Variants in INSL6 observed in about 807,000 individuals in gnomAD.
INSL6 encodes insulin like 6, also known as insulin-like peptide INSL6.
INSL6 carries 16 observed loss-of-function variants against 9.4 expected under a neutral mutation model. The observed-to-expected ratio is 1.70, with a 90% CI of 1.15 to 2.59. The LOEUF is 2.59. INSL6 is among the 30% of genes most tolerant of loss of function. The pLI, the probability that INSL6 is intolerant of heterozygous loss-of-function variation, is 0.00. For synonymous variants in INSL6, 154 were observed against 96.9 expected, an observed-to-expected ratio of 1.59 and a Z score of -3.46; for missense variants, 391 against 257.3, an observed-to-expected ratio of 1.52 and a Z score of -3.56.
At chr9:5,081,704 T>A in the INSL6 span, 1 of 1,541,900 alleles carries the variant, frequency 6.5e-7, no homozygotes. Flanking sequence ...TTTAAGGTGA[T>A]AATATTCTTT....
intron 1 of INSL6, among the ~76,000 whole-genome samples, chr9:5,166,078 G>C (rs1177248686): frequency 6.6e-6 from 1 of 152,144 alleles, no homozygotes; most frequent in African/African-American, 2.4e-5. Flanking sequence ...GAAGTAACGA[G>C]AAAAAGATGA....
At chr9:5,085,415 A>G in the INSL6 span, 3 of 767,650 alleles carry the variant, frequency 3.9e-6, no homozygotes, top group Non-Finnish European at 7.2e-6. Context: ...ACTGCTTTAC[A>G]ACTGTTGGCT....
At chr9:5,139,932 G>C (rs1415202966) in intron 2 of INSL6, among the ~76,000 whole-genome samples, 1 of 152,144 alleles carries the variant, frequency 6.6e-6, no homozygotes, top group Non-Finnish European at 1.5e-5. Context: ...ACAAAAATGT[G>C]TCAGATGTCT....
the INSL6 span, chr9:5,097,383 T>C: frequency 1.7e-3 from 253 of 152,326 alleles, 1 homozygote; most frequent in African/African-American, 5.4e-3. Context: ...ACCCTGAAGT[T>C]TATATCCTTA....
chr9:5,006,037 A>C, the INSL6 span, among the ~76,000 whole-genome samples: 1 of 152,174 alleles, frequency 6.6e-6, no homozygotes, highest in Non-Finnish European at 1.5e-5. Flanking sequence ...GAAGAAAGTC[A>C]TTGGTAGCTT....
the INSL6 span, among the ~76,000 whole-genome samples, chr9:5,000,787 G>A: frequency 6.6e-6 from 1 of 152,174 alleles, no homozygotes; most frequent in Non-Finnish European, 1.5e-5. Flanking sequence ...ATTTGTATAT[G>A]TATTAAGTAA....
chr9:5,180,958 TTGA>T (rs1825438740), intron 1 of INSL6, among the ~76,000 whole-genome samples: 1 of 152,170 alleles, frequency 6.6e-6, no homozygotes, highest in African/African-American at 2.4e-5. Context: ...AACAAAAAAC[TTGA>T]TGGTTTGAGG....
At chr9:5,035,703 A>G in the INSL6 span, among the ~76,000 whole-genome samples, 4 of 152,214 alleles carry the variant, frequency 2.6e-5, no homozygotes, top group Non-Finnish European at 5.9e-5. Context: ...AAAACTCTCA[A>G]TAAATTAGGT....
the INSL6 span, among the ~76,000 whole-genome samples, chr9:5,067,258 T>A: frequency 6.6e-6 from 1 of 152,122 alleles, no homozygotes. Flanking sequence ...ACTGATGATT[T>A]TCTAATATTT....
At chr9:5,089,679 T>C in the INSL6 span, 156 of 1,370,946 alleles carry the variant, frequency 1.1e-4, no homozygotes, top group African/African-American at 2.1e-3. Context: ...TTTAGGGTAA[T>C]TTTGGGAGTG....
the INSL6 span, chr9:5,072,594 G>A: frequency 3.1e-6 from 5 of 1,609,360 alleles, no homozygotes; most frequent in Non-Finnish European, 4.2e-6. Context: ...TCTTTTAAAA[G>A]TTCTGGATAA....
intron 1 of INSL6, among the ~76,000 whole-genome samples, chr9:5,166,613 A>G (rs1825057429): frequency 6.6e-6 from 1 of 152,232 alleles, no homozygotes; most frequent in Non-Finnish European, 1.5e-5. Context: ...TAACTGGTAC[A>G]CAATGACACA....
At chr9:5,162,574 A>T (rs1824949309), downstream of INSL6, among the ~76,000 whole-genome samples, 1 of 152,188 alleles carries the variant, frequency 6.6e-6, no homozygotes. Flanking sequence ...GACAACATGG[A>T]GCATTTTCAT....
chr9:4,996,788 G>C, the INSL6 span, among the ~76,000 whole-genome samples: 1 of 151,944 alleles, frequency 6.6e-6, no homozygotes, highest in East Asian at 1.9e-4. Flanking sequence ...AAAATTATTA[G>C]AAGTAAAATG....
At chr9:5,038,719 G>A in the INSL6 span, among the ~76,000 whole-genome samples, 9 of 151,744 alleles carry the variant, frequency 5.9e-5, no homozygotes, top group East Asian at 1.7e-3. Context: ...TCAGGTTAGC[G>A]CTCTAAAGGT....
chr9:5,081,858 C>A, the INSL6 span: 2 of 1,611,696 alleles, frequency 1.2e-6, no homozygotes, highest in Non-Finnish European at 1.7e-6. Flanking sequence ...AGCAACTTGG[C>A]AAGGTAAATT....
At chr9:5,031,736 A>C in the INSL6 span, among the ~76,000 whole-genome samples, 1 of 152,234 alleles carries the variant, frequency 6.6e-6, no homozygotes, top group African/African-American at 2.4e-5. Flanking sequence ...AAAATTTTCA[A>C]ATGTCTGAAG....
At chr9:5,129,901 T>C (rs1257088681) in intron 3 of INSL6, among the ~76,000 whole-genome samples, 1 of 152,148 alleles carries the variant, frequency 6.6e-6, no homozygotes, top group Non-Finnish European at 1.5e-5. Context: ...ACTTTTATAA[T>C]CTTACCTTTT....
At chr9:5,040,876 C>T in the INSL6 span, 18,022 of 249,792 alleles carry the variant, frequency 0.072, 864 homozygotes, top group Non-Finnish European at 0.088. Flanking sequence ...GAGCGCGGAT[C>T]CGCGCCGCGC....
Sources: gnomAD v4.1 joint callset for allele counts (sites outside exome capture counted in the v4.1 genomes callset) on GRCh38, gnomAD v4.1.1 for gene constraint, MANE v1.5 for transcripts, NCBI Gene and HGNC (gene_info 2026-07-23, HGNC 2026-07-21) for gene names.